SERPINC1: variants seen among roughly 807,000 people sequenced by gnomAD.
SERPINC1 encodes the protein serpin family C member 1.
SERPINC1 carries 12 observed loss-of-function variants against 43.4 expected under a neutral mutation model. The observed-to-expected ratio is 0.28, with a 90% CI of 0.18 to 0.45. The LOEUF is 0.45. Among genes scored for constraint, SERPINC1 ranks in the 20% least tolerant of loss-of-function variants. The pLI is 1.00. For missense variants in SERPINC1, 423 were observed against 578.8 expected (o/e 0.73, Z 2.76); for synonymous variants, 210 against 218.9 (o/e 0.96, Z 0.36).
intron 2 of SERPINC1, among the ~76,000 whole-genome samples, chr1:173,913,896 G>A (rs1174002943): frequency 6.6e-6 from 1 of 151,860 alleles, no homozygotes; most frequent in African/African-American, 2.4e-5. Context: ...CTGGCCACGT[G>A]GTGAAACCCC....
chr1:173,915,357 G>A (rs1657943273), intron 1 of SERPINC1, among the ~76,000 whole-genome samples: 1 of 152,176 alleles, frequency 6.6e-6, no homozygotes, highest in Admixed American at 6.5e-5. Context: ...CAACACAAGA[G>A]AAGTAAGAAG....
In SERPINC1 at chr1:173,912,044, G is replaced by A. The variant is rs148886845; in HGVS notation, c.409-30C>T. On this transcript the variant is annotated intron_variant, in intron 2 of 6. Transcript: ENST00000367698. ...AGAAGTCAAAAAAAAATGGTGGTGG[G>A]TTTGGTGGGCTGCCTAGTTAACATG... 26 of 1,547,084 alleles carry A rather than the reference G, an allele frequency of 1.7e-5. No homozygotes were observed. In the Admixed American group the frequency reaches 4.2e-4, roughly 25 times the overall value.
At chr1:173,906,487 T>C (rs1657517635) in intron 6 of SERPINC1, among the ~76,000 whole-genome samples, 1 of 152,194 alleles carries the variant, frequency 6.6e-6, no homozygotes, top group South Asian at 2.1e-4. Context: ...TGTAGTCTAG[T>C]GCTCTAGTTG....
intron 5 of SERPINC1, among the ~76,000 whole-genome samples, chr1:173,908,449 C>T (rs1013374399): frequency 2.9e-5 from 4 of 138,498 alleles, no homozygotes; most frequent in African/African-American, 1.1e-4. Flanking sequence ...AAGATTGCAC[C>T]ACTGCACTCC....
chr1:173,916,991 C>T (rs977385240), intron 1 of SERPINC1, among the ~76,000 whole-genome samples: 8 of 152,234 alleles, frequency 5.3e-5, no homozygotes, highest in African/African-American at 1.7e-4. Flanking sequence ...TGACATCCCC[C>T]TTGTTTCTTA....
intron 6 of SERPINC1, among the ~76,000 whole-genome samples, chr1:173,906,372 G>A (rs555419395): frequency 2.0e-5 from 3 of 152,356 alleles, no homozygotes; most frequent in East Asian, 1.9e-4. Context: ...ATATTCAACC[G>A]TCTTCTTTAC....
intron 3 of SERPINC1, 129 bp from the exon 4 acceptor site, chr1:173,911,020 T>A: frequency 9.7e-7 from 1 of 1,030,468 alleles, no homozygotes; most frequent in Non-Finnish European, 1.5e-6. Context: ...AAGCCATTGC[T>A]CTAACCCAAA....
intron 4 of SERPINC1, among the ~76,000 whole-genome samples, chr1:173,910,513 G>A (rs889156761): frequency 5.9e-5 from 9 of 152,036 alleles, no homozygotes; most frequent in South Asian, 2.1e-4. Flanking sequence ...CCCAGGAGGC[G>A]AAGCTTGCAG....
In SERPINC1 at chr1:173,909,888, T is replaced by G. The variant is rs1257439220; in HGVS notation, c.817A>C (p.Lys273Gln). ...GCTGAACACGACTCTCCATCAGCCTTGTAGAACAGTTCCTTCCTTGTGTTC... is the reference window on the plus strand; with the variant it reads ...GCTGAACACGACTCTCCATCAGCCTGGTAGAACAGTTCCTTCCTTGTGTTC... ...PENTRKELFYKADGESCSASM... is the reference protein window; with the variant it reads ...PENTRKELFYQADGESCSASM... The change falls in exon 5 of 7, where the codon AAG becomes CAG. Residue 273 changes from lysine to glutamine, a missense_variant. Coordinates refer to ENST00000367698, the MANE Select transcript of SERPINC1 (RefSeq NM_000488.4). The G allele has an allele frequency of 6.2e-7, 1 of 1,614,100 alleles. No homozygotes were observed. The highest frequency in any genetic ancestry group is 1.3e-5 in the African/African-American group (1 of 74,940).
Position 173,907,522 on chromosome 1 carries a change from G to A in SERPINC1, c.1154-8C>T, listed in dbSNP as rs1377007367. ...GGCCTTCTGCAACAATACCTGGAAG[G>A]AAGACCGGAGAAGTCTTTGTGAGAT... On this transcript the variant is annotated splice_region_variant and splice_polypyrimidine_tract_variant and intron_variant, in intron 5 of 6. Coordinates refer to ENST00000367698, the MANE Select transcript of SERPINC1 (RefSeq NM_000488.4). 1 of 1,611,898 alleles carries A rather than the reference G, an allele frequency of 6.2e-7. No individual in the cohort carries two copies. Among genetic ancestry groups the A allele is most frequent in the Non-Finnish European group, 8.5e-7 (1 of 1,178,082 alleles).
chr1:173,912,811 A>T (rs989286221), intron 2 of SERPINC1, among the ~76,000 whole-genome samples: 9 of 152,244 alleles, frequency 5.9e-5, no homozygotes, highest in Middle Eastern at 6.8e-3. Context: ...GGACCAAAGG[A>T]ACATGTGTGG....
intron 5 of SERPINC1, among the ~76,000 whole-genome samples, chr1:173,908,211 A>G (rs921464542): frequency 2.0e-5 from 3 of 151,174 alleles, no homozygotes; most frequent in South Asian, 4.2e-4. Context: ...AGACAGCCCA[A>G]TAGCACAGTG....
rs2102786232 is a variant in SERPINC1 at position 173,912,006 on chromosome 1, C to T, written c.417G>A (p.Lys139=). 1.9e-6 allele frequency: 3 copies of T among 1,613,292 alleles called. No homozygotes were observed. The highest frequency in any genetic ancestry group is 2.5e-6 in the Non-Finnish European group (3 of 1,179,272). The change falls in exon 3 of 7, where the codon AAG becomes AAA. Residue 139 remains lysine (K), a synonymous_variant. Transcript: ENST00000367698. ...DTLQQLMEVF[K]FDTISEKTSD... ...ATGTTTTCTCAGATATGGTGTCAAACTTAAATACCTATAGAAGTCAAAAAA... is the reference window on the plus strand; with the variant it reads ...ATGTTTTCTCAGATATGGTGTCAAATTTAAATACCTATAGAAGTCAAAAAA...
intron 4 of SERPINC1, 89 bp downstream of exon 4, chr1:173,910,665 G>C: frequency 1.5e-6 from 2 of 1,312,054 alleles, no homozygotes; most frequent in Non-Finnish European, 2.2e-6. Flanking sequence ...TGCCCTCTCA[G>C]GGCTTCGGTC....
At chr1:173,908,894 C>T (rs1261433541) in intron 5 of SERPINC1, among the ~76,000 whole-genome samples, 4 of 152,084 alleles carry the variant, frequency 2.6e-5, no homozygotes, top group East Asian at 3.9e-4. Context: ...GTGCCAGGTG[C>T]GGTGGCTGAC....
intron 3 of SERPINC1, among the ~76,000 whole-genome samples, 164 bp downstream of exon 3, chr1:173,911,635 A>T (rs1371820974): frequency 6.6e-6 from 1 of 152,266 alleles, no homozygotes; most frequent in Non-Finnish European, 1.5e-5. Flanking sequence ...TTGATTTCTC[A>T]GGTTTCAAGT....
chr1:173,915,558 C>A (rs1299643080), intron 1 of SERPINC1, among the ~76,000 whole-genome samples: 1 of 152,078 alleles, frequency 6.6e-6, no homozygotes, highest in Non-Finnish European at 1.5e-5. Context: ...CACCTGTAGT[C>A]CCAAGCTACT....
rs1240942699 is a variant in SERPINC1, at chr1:173,909,745, A to G, written c.960T>C (p.Pro320=). 1 of 1,614,138 alleles carries G rather than the reference A, an allele frequency of 6.2e-7. No homozygotes were observed. Among genetic ancestry groups the G allele is most frequent in the Non-Finnish European group, 8.5e-7 (1 of 1,179,982 alleles). The stretch of plus-strand genomic sequence containing the variant: ...TCTCTACCTTGGCCAGGCTCTTCTC[A>G]GGCTTGGGCAAGATGAGGACCATGG... ...DITMVLILPK[P]EKSLAKVEKE... is the part of the protein sequence containing the mutation. Residue 320 remains proline (P), a synonymous_variant, in exon 5 of 7, where the codon CCT becomes CCC. Transcript: ENST00000367698.
intron 5 of SERPINC1, among the ~76,000 whole-genome samples, chr1:173,908,021 AATAAT>A (rs1553217680): frequency 1.8e-4 from 26 of 147,990 alleles, no homozygotes; most frequent in African/African-American, 6.0e-4. Flanking sequence ...TAATAATAAT[AATAAT>A]AAAAGTACTT....
Sources: allele counts gnomAD v4.1 joint callset (sites outside exome capture counted in the v4.1 genomes callset), GRCh38; gene constraint gnomAD v4.1.1; transcripts MANE v1.5; gene names NCBI Gene and HGNC (gene_info 2026-07-23, HGNC 2026-07-21).